RUBCNL: variants seen among roughly 807,000 people sequenced by gnomAD.
RUBCNL encodes the protein rubicon like autophagy enhancer, also known as protein associated with UVRAG as autophagy enhancer.
Under a neutral mutation model 69.5 loss-of-function variants are expected in RUBCNL, and 62 were observed. The ratio of observed to expected loss-of-function variants is 0.89; its 90% CI spans 0.73 to 1.10. The LOEUF is 1.10. RUBCNL is among the 50% of genes least tolerant of loss of function. RUBCNL has a pLI of 0.00. For synonymous variants in RUBCNL, 291 were observed against 303.6 expected (o/e 0.96, Z 0.43); for missense variants, 768 against 798.1 (o/e 0.96, Z 0.45).
chr13:46,367,854 T>C (rs2138784018), intron 5 of RUBCNL, among the ~76,000 whole-genome samples, 188 bp downstream of exon 5: 1 of 152,188 alleles, frequency 6.6e-6, no homozygotes, highest in African/African-American at 2.4e-5. Context: ...ACCCACCCAC[T>C]AGTCACTTAG....
At chr13:46,348,597 C>A (rs1273333113) in intron 12 of RUBCNL, among the ~76,000 whole-genome samples, 1 of 145,442 alleles carries the variant, frequency 6.9e-6, no homozygotes, top group Non-Finnish European at 1.5e-5. Context: ...ATAAGTCTCA[C>A]GAGATTTGAT....
chr13:46,369,946 A>G (rs1277832264), intron 3 of RUBCNL, among the ~76,000 whole-genome samples: 1 of 152,248 alleles, frequency 6.6e-6, no homozygotes, highest in Non-Finnish European at 1.5e-5. Context: ...GTAAACAGCT[A>G]GCTGGTATAT....
rs887886435 is a variant in RUBCNL, at chr13:46,339,351, G to T, written c.*4034C>A. 2.0e-5 allele frequency among the ~76,000 whole-genome samples: 3 copies of T among 152,164 alleles called. No individual in the cohort carries two copies. The highest frequency in any genetic ancestry group is 4.4e-5 in the Non-Finnish European group (3 of 68,026). On this transcript the variant is annotated 3_prime_UTR_variant, in exon 15 of 15. Coordinates refer to ENST00000429979, the MANE Select transcript of RUBCNL (RefSeq NM_025113.5). ...ATCCTTAAATGCTTGTTTTAAGGAA[G>T]CACGCTTCTAAAAATGACACACTTC...
chr13:46,339,526 A>G lies in RUBCNL; in HGVS notation c.*3859T>C, dbSNP rs937810217. On this transcript the variant is annotated 3_prime_UTR_variant, in exon 15 of 15. Transcript: ENST00000429979. ...ACCACGTTCCTTCCAGCAGGTTTGA[A>G]TTCCGAAGTCTCAGACAAATGACCA... 6.6e-6 allele frequency among the ~76,000 whole-genome samples: 1 copy of G among 152,116 alleles called. No individual in the cohort carries two copies. Among genetic ancestry groups the G allele is most frequent in the African/African-American group, 2.4e-5 (1 of 41,410 alleles).
intron 5 of RUBCNL, among the ~76,000 whole-genome samples, chr13:46,366,618 T>A (rs916195182): frequency 2.6e-5 from 4 of 152,224 alleles, no homozygotes; most frequent in Non-Finnish European, 4.4e-5. Flanking sequence ...GTGCCAGGCA[T>A]TATGCTATAC....
Position 46,368,739 on chromosome 13 carries a change from T to C in RUBCNL, c.612A>G (p.Val204=). 1 of 1,612,714 alleles carries C rather than the reference T, an allele frequency of 6.2e-7. No homozygotes were observed. Among genetic ancestry groups the C allele is most frequent in the Non-Finnish European group, 8.5e-7 (1 of 1,179,056 alleles). Residue 204 remains valine, a synonymous_variant, in exon 4 of 15, where the codon GTA becomes GTG. Coordinates refer to ENST00000429979, the MANE Select transcript of RUBCNL (RefSeq NM_025113.5). ...GAAAGAAGATAGCATTCACCTTTTC[T>C]ACATCAACAGGCAGCACAAATACCT... is the stretch of plus-strand genomic sequence containing the variant. ...SPEVFVLPVD[V]EKENAHFYVA...
chr13:46,359,390 A>G, intron 9 of RUBCNL, 96 bp downstream of exon 9: 3 of 982,468 alleles, frequency 3.1e-6, no homozygotes, highest in Middle Eastern at 3.4e-4. Flanking sequence ...GTTCTTTAGC[A>G]TATGTATTTT....
chr13:46,348,292 A>G (rs1252298134), intron 12 of RUBCNL, among the ~76,000 whole-genome samples: 3 of 152,184 alleles, frequency 2.0e-5, no homozygotes, highest in African/African-American at 4.8e-5. Flanking sequence ...TAATACTTTA[A>G]TGCCACTGAA....
intron 1 of RUBCNL, among the ~76,000 whole-genome samples, chr13:46,384,909 C>T (rs1251159608): frequency 6.6e-6 from 1 of 152,228 alleles, no homozygotes; most frequent in Admixed American, 6.5e-5. Context: ...CACTCAGCAG[C>T]ATGCTCAAGT....
chr13:46,361,421 C>A lies in RUBCNL; in HGVS notation c.1119+20G>T. ...GATTTAGGAACTTTCAATTCAAGGT[C>A]AATTTTTTTTGATACTTACTATCGA... On this transcript the variant is annotated intron_variant, in intron 8 of 14. Transcript: ENST00000429979. 7 of 1,611,536 alleles carry A rather than the reference C, an allele frequency of 4.3e-6. No individual in the cohort carries two copies. The highest frequency in any genetic ancestry group is 5.9e-6 in the Non-Finnish European group (7 of 1,178,402).
Position 46,338,352 on chromosome 13 carries a change from C to A in RUBCNL, c.*5033G>T, listed in dbSNP as rs1401140145. On this transcript the variant is annotated 3_prime_UTR_variant, in exon 15 of 15. Coordinates refer to ENST00000429979, the MANE Select transcript of RUBCNL (RefSeq NM_025113.5). Reference sequence around the variant, plus strand: ...TAGCTAGCATTGGGCCAACCCCTGCCCCTCTCTCTTCCCACTTTGGCTCCA... The same window carrying A: ...TAGCTAGCATTGGGCCAACCCCTGCACCTCTCTCTTCCCACTTTGGCTCCA... 6.6e-6 allele frequency among the ~76,000 whole-genome samples: 1 copy of A among 152,118 alleles called. No individual in the cohort carries two copies. The highest frequency in any genetic ancestry group is 1.5e-5 in the Non-Finnish European group (1 of 68,022).
At chr13:46,386,343 C>G (rs2049243988) in intron 1 of RUBCNL, among the ~76,000 whole-genome samples, 1 of 152,182 alleles carries the variant, frequency 6.6e-6, no homozygotes, top group African/African-American at 2.4e-5. Context: ...TGCGCGCTCC[C>G]ACCACATCTT....
chr13:46,375,401 C>T (rs1566088173), intron 2 of RUBCNL, among the ~76,000 whole-genome samples: 1 of 152,086 alleles, frequency 6.6e-6, no homozygotes, highest in African/African-American at 2.4e-5. Context: ...GGCGTGGTGG[C>T]GGGCGCCTAT....
chr13:46,386,013 T>G (rs2138864381), intron 1 of RUBCNL, among the ~76,000 whole-genome samples: 1 of 152,252 alleles, frequency 6.6e-6, no homozygotes. Context: ...TCTGGACCGG[T>G]AATCACGAAA....
In RUBCNL at chr13:46,340,446, G is replaced by T. The variant is rs186068787; in HGVS notation, c.*2939C>A. 1.6e-3 allele frequency among the ~76,000 whole-genome samples: 246 copies of T among 152,234 alleles called. No homozygotes were observed. The highest frequency in any genetic ancestry group is 1.5e-3 in the Non-Finnish European group (102 of 68,012). On this transcript the variant is annotated 3_prime_UTR_variant, in exon 15 of 15. Transcript: ENST00000429979. ...TTGCTTGTACCAGGCCTTTTAGTGG[G>T]TGCTTCATTTTCATTTCTAATCCTT...
chr13:46,377,294 C>T (rs572015781), intron 2 of RUBCNL, among the ~76,000 whole-genome samples: 2 of 152,322 alleles, frequency 1.3e-5, no homozygotes, highest in African/African-American at 2.4e-5. Context: ...AGACAAGTCT[C>T]GATCTGTTGC....
chr13:46,366,702 A>G (rs1439002309), intron 5 of RUBCNL, among the ~76,000 whole-genome samples: 1 of 152,222 alleles, frequency 6.6e-6, no homozygotes, highest in African/African-American at 2.4e-5. Context: ...TCAAGAAGAA[A>G]AGCAAGCTTC....
intron 2 of RUBCNL, among the ~76,000 whole-genome samples, chr13:46,373,282 A>G (rs2048919128): frequency 6.6e-6 from 1 of 152,102 alleles, no homozygotes; most frequent in Non-Finnish European, 1.5e-5. Context: ...CCATTTCCAT[A>G]TGTTCTTATT....
intron 1 of RUBCNL, 27 bp from the exon 2 acceptor site, chr13:46,378,032 A>G: frequency 8.1e-7 from 1 of 1,229,182 alleles, no homozygotes; most frequent in Non-Finnish European, 1.1e-6. Context: ...AATTTGCCAG[A>G]TGCTATGATA....
Sources: allele counts gnomAD v4.1 joint callset (sites outside exome capture counted in the v4.1 genomes callset), GRCh38; gene constraint gnomAD v4.1.1; transcripts MANE v1.5; gene names NCBI Gene and HGNC (gene_info 2026-07-23, HGNC 2026-07-21).